Variants in CFAP43 observed in about 807,000 individuals in gnomAD.
CFAP43 encodes cilia and flagella associated protein 43, also known as cilia- and flagella-associated protein 43.
Under a neutral mutation model 218.9 loss-of-function variants are expected in CFAP43, and 155 were observed. That is an observed-to-expected ratio of 0.71 (90% CI 0.62 to 0.81). The LOEUF (loss-of-function observed/expected upper bound fraction) is 0.81. Among genes scored for constraint, CFAP43 ranks in the 30% least tolerant of loss-of-function variants. CFAP43 has a pLI of 0.00. For synonymous variants in CFAP43, 645 were observed against 681.3 expected (o/e 0.95, Z 0.83); for missense variants, 1,778 against 1,954.3 (o/e 0.91, Z 1.70).
intron 33 of CFAP43, among the ~76,000 whole-genome samples, chr10:104,141,321 A>T (rs2087694033): frequency 6.6e-6 from 1 of 152,228 alleles, no homozygotes; most frequent in Non-Finnish European, 1.5e-5. Flanking sequence ...ACTTTTAAAT[A>T]ACAAATCTGG....
In CFAP43 at chr10:104,226,015, A is replaced by G. The variant is rs371459725; in HGVS notation, c.320-458T>C. On this transcript the variant is annotated intron_variant, in intron 2 of 37. Coordinates refer to ENST00000357060, the MANE Select transcript of CFAP43 (RefSeq NM_025145.7). ...TAGCTTAATATCTGCCAGCTTTTGG[A>G]ACAGCTATAAAAAGTGACATACTCC... Among the ~76,000 whole-genome samples, 6 of 152,352 alleles carry G rather than the reference A, an allele frequency of 3.9e-5. No individual in the cohort carries two copies. The South Asian group carries it at 1.2e-3, about 32-fold the overall frequency.
intron 27 of CFAP43, among the ~76,000 whole-genome samples, chr10:104,155,108 G>A (rs2088470221): frequency 6.6e-6 from 1 of 152,192 alleles, no homozygotes; most frequent in South Asian, 2.1e-4. Flanking sequence ...CCAGGGTTGG[G>A]AGAAATGAGA....
Position 104,203,779 on chromosome 10 carries a change from T to C in CFAP43, c.988A>G (p.Ile330Val), listed in dbSNP as rs765505703. ...GIDGFVYSFIIKDRSYMIEDF... is the reference protein window; with the variant it reads ...GIDGFVYSFIVKDRSYMIEDF... The stretch of plus-strand genomic sequence containing the variant: ...TCGATCATGTAACTTCTATCTTTAA[T>C]AATAAAAGAATACACAAAGCCATCC... The change falls in exon 8 of 38, where the codon ATT becomes GTT. Residue 330 changes from isoleucine to valine, a missense_variant. Around this residue, in one of 3 missense-constraint regions of CFAP43, gnomAD observed 1,553 missense variants for 1,685.2 expected, o/e 0.92. Transcript: ENST00000357060. 6.2e-7 allele frequency: 1 copy of C among 1,605,542 alleles called. No homozygotes were observed. Among genetic ancestry groups the C allele is most frequent in the Non-Finnish European group, 8.5e-7 (1 of 1,177,142 alleles).
chr10:104,220,999 G>A (rs1000339853), intron 3 of CFAP43, among the ~76,000 whole-genome samples: 3 of 142,890 alleles, frequency 2.1e-5, no homozygotes, highest in Non-Finnish European at 4.5e-5. Flanking sequence ...TGTTTGAGAC[G>A]GAGTCTCGCT....
intron 14 of CFAP43, 114 bp downstream of exon 14, chr10:104,187,206 C>A: frequency 1.4e-6 from 1 of 734,526 alleles, no homozygotes; most frequent in Non-Finnish European, 1.9e-6. Flanking sequence ...AAAATGAAGG[C>A]ATTTGTTAAC....
At chr10:104,160,491 T>C (rs1030385508) in intron 27 of CFAP43, among the ~76,000 whole-genome samples, 4 of 152,256 alleles carry the variant, frequency 2.6e-5, no homozygotes, top group African/African-American at 7.2e-5. Context: ...CCGTCTTTTA[T>C]ATCTCTACTG....
Position 104,182,401 on chromosome 10 carries a change from CTT to C in CFAP43, c.2252_2253del (p.Lys751SerfsTer10). On this transcript the variant is annotated frameshift_variant, in exon 17 of 38. Transcript: ENST00000357060. LOFTEE classifies it high-confidence loss of function. ...GAATCGGATCCCAAATCTACGGAAA[CTT>C]TTGGTGTTGTGCTTAAATAATGATT... is the stretch of plus-strand genomic sequence containing the variant. ...KENHYLSTTP[K>X]VSVDLGSDSE... The C allele has an allele frequency of 1.9e-6, 3 of 1,610,596 alleles. No homozygotes were observed. Among genetic ancestry groups the C allele is most frequent in the Non-Finnish European group, 2.5e-6 (3 of 1,178,966 alleles).
At chr10:104,221,383 G>T (rs535482958) in intron 3 of CFAP43, among the ~76,000 whole-genome samples, 1 of 152,272 alleles carries the variant, frequency 6.6e-6, no homozygotes, top group Non-Finnish European at 1.5e-5. Context: ...GATGGTATTG[G>T]GGTATTGGGA....
chr10:104,194,079 A>T, intron 10 of CFAP43, 65 bp from the exon 11 acceptor site: 1 of 1,566,430 alleles, frequency 6.4e-7, no homozygotes, highest in Non-Finnish European at 8.7e-7. Flanking sequence ...TAAGAATGCT[A>T]TTATACAGTG....
At chr10:104,216,960 C>G (rs1032541158) in intron 3 of CFAP43, among the ~76,000 whole-genome samples, 2 of 152,198 alleles carry the variant, frequency 1.3e-5, no homozygotes, top group South Asian at 4.1e-4. Flanking sequence ...AGGTGGGTCC[C>G]TTCCATTGAT....
chr10:104,166,467 A>G (rs2089158104), intron 23 of CFAP43, 21 bp downstream of exon 23: 1 of 1,584,670 alleles, frequency 6.3e-7, no homozygotes, highest in East Asian at 2.2e-5. Flanking sequence ...ATTTTTCAGG[A>G]TAAAAAGAAA....
At chr10:104,230,242 G>A (rs1206704729) in intron 2 of CFAP43, among the ~76,000 whole-genome samples, 1 of 152,002 alleles carries the variant, frequency 6.6e-6, no homozygotes, top group Non-Finnish European at 1.5e-5. Context: ...TGAGGCAGGC[G>A]GATCACTAGG....
chr10:104,146,981 A>T (rs560872412), intron 29 of CFAP43, among the ~76,000 whole-genome samples: 43 of 152,212 alleles, frequency 2.8e-4, no homozygotes, highest in Non-Finnish European at 5.9e-4. Flanking sequence ...TCTTCTTTGC[A>T]CTATAAAGCT....
intron 12 of CFAP43, among the ~76,000 whole-genome samples, chr10:104,190,311 GA>G (rs2090171070): frequency 6.6e-6 from 1 of 152,152 alleles, no homozygotes; most frequent in Non-Finnish European, 1.5e-5. Context: ...CAGCCTGGGT[GA>G]CAGAGCAAGA....
At chr10:104,136,858 T>C (rs1589613678) in intron 34 of CFAP43, among the ~76,000 whole-genome samples, 1 of 152,126 alleles carries the variant, frequency 6.6e-6, no homozygotes, top group Admixed American at 6.6e-5. Flanking sequence ...TCAACAAGCA[T>C]ATGAAAAGAT....
intron 34 of CFAP43, among the ~76,000 whole-genome samples, chr10:104,138,989 G>A (rs1040430938): frequency 6.6e-6 from 1 of 152,180 alleles, no homozygotes; most frequent in Non-Finnish European, 1.5e-5. Context: ...TCAGCAGAGG[G>A]ATGGAAAGTA....
At chr10:104,173,343 C>T (rs1408088395) in intron 19 of CFAP43, among the ~76,000 whole-genome samples, 5 of 152,096 alleles carry the variant, frequency 3.3e-5, no homozygotes, top group Admixed American at 6.5e-5. Flanking sequence ...AACTGAAAGA[C>T]GGAAATCAGA....
At chr10:104,203,958 T>C (rs1399447057) in intron 7 of CFAP43, among the ~76,000 whole-genome samples, 155 bp from the exon 8 acceptor site, 1 of 152,256 alleles carries the variant, frequency 6.6e-6, no homozygotes, top group African/African-American at 2.4e-5. Context: ...CATCTTTATT[T>C]AGACAACTTT....
rs142780339 is a variant in CFAP43 at position 104,164,210 on chromosome 10, T to C, written c.3130A>G (p.Arg1044Gly). 20 of 1,614,052 alleles carry C rather than the reference T, an allele frequency of 1.2e-5. No homozygotes were observed. The African/African-American group carries it at 2.7e-4, about 22-fold the overall frequency. Residue 1044 changes from arginine to glycine, a missense_variant, in exon 24 of 38, where the codon AGA (arginine) becomes GGA (glycine). By Grantham distance (125) the Arg-to-Gly change is moderately radical. Around this residue, in one of 3 missense-constraint regions of CFAP43, gnomAD observed 1,553 missense variants for 1,685.2 expected, o/e 0.92. Coordinates refer to ENST00000357060, the MANE Select transcript of CFAP43 (RefSeq NM_025145.7). ...ATAATTTCTCGAATTCGAACATTTC[T>C]TTCCTTCACGCGTGCAATTTCAAAC... Reference protein sequence around the residue: ...KEFEIARVKERNVRIREIILD... With the variant: ...KEFEIARVKEGNVRIREIILD...
Sources: gnomAD v4.1 joint callset for allele counts (sites outside exome capture counted in the v4.1 genomes callset) on GRCh38, gnomAD v4.1.1 for gene constraint, gnomAD v4.1.1 regional missense constraint, MANE v1.5 for transcripts, NCBI Gene and HGNC (gene_info 2026-07-23, HGNC 2026-07-21) for gene names.